The following CEP170 variants were observed in gnomAD, a reference collection of about 807,000 sequenced individuals.
The protein encoded by CEP170 is centrosomal protein 170, also known as centrosomal protein of 170 kDa.
In CEP170, 21 loss-of-function variants were observed where a neutral mutation model predicts 151.9. The ratio of observed to expected loss-of-function variants is 0.14; its 90% confidence interval spans 0.10 to 0.20. The LOEUF is 0.20. CEP170 is among the 10% of genes least tolerant of loss of function. CEP170 has a pLI of 1.00. For synonymous variants in CEP170, 356 were observed against 648.8 expected (o/e 0.55, Z 6.86); for missense variants, 964 against 1,892.9 (o/e 0.51, Z 9.11).
In CEP170 at chr1:243,169,676, G is replaced by T. The variant is rs182591395; in HGVS notation, c.1795C>A (p.Gln599Lys). The change falls in exon 12 of 20, where the codon CAA (glutamine) becomes AAA (lysine). Residue 599 changes from glutamine to lysine, a missense_variant. Coordinates refer to ENST00000366542, the MANE Select transcript of CEP170 (RefSeq NM_014812.3). Reference sequence around the variant, plus strand: ...GAAAATTCCATTATCCTTTCTTCTTGATCATGCCTTGTATGATTGGCAGCC... The same window carrying T: ...GAAAATTCCATTATCCTTTCTTCTTTATCATGCCTTGTATGATTGGCAGCC... Reference protein sequence around the residue: ...SLAANHTRHDQEERIMEFSAP... With the variant: ...SLAANHTRHDKEERIMEFSAP... The T allele has an allele frequency of 0.014, 22,042 of 1,612,368 alleles. 533 individuals carry two copies. In the Admixed American group the frequency reaches 0.14, roughly 10 times the overall value.
At chr1:243,231,333 T>A (rs1157732852) in intron 1 of CEP170, among the ~76,000 whole-genome samples, 1 of 151,900 alleles carries the variant, frequency 6.6e-6, no homozygotes, top group Admixed American at 6.6e-5. Flanking sequence ...TGGGCTGCAA[T>A]GAAAGGACAC....
At chr1:243,192,883 T>TATA (rs2060400213) in intron 7 of CEP170, among the ~76,000 whole-genome samples, 1 of 151,968 alleles carries the variant, frequency 6.6e-6, no homozygotes, top group Non-Finnish European at 1.5e-5. Context: ...CCACAATAAA[T>TATA]ATAATAATAA....
intron 1 of CEP170, among the ~76,000 whole-genome samples, chr1:243,236,844 A>G (rs1204256490): frequency 6.6e-6 from 1 of 152,194 alleles, no homozygotes; most frequent in African/African-American, 2.4e-5. Context: ...CCTGAAAGTC[A>G]AATGCTTTGA....
chr1:243,207,579 G>A (rs1466755424), intron 4 of CEP170, among the ~76,000 whole-genome samples: 2 of 151,648 alleles, frequency 1.3e-5, no homozygotes, highest in African/African-American at 4.8e-5. Flanking sequence ...ATAGCAGAAC[G>A]CATATCCTTT....
intron 1 of CEP170, among the ~76,000 whole-genome samples, chr1:243,249,631 C>T (rs1325252580): frequency 6.6e-6 from 1 of 152,076 alleles, no homozygotes; most frequent in Non-Finnish European, 1.5e-5. Flanking sequence ...AACAGCAGTC[C>T]TCTACCACTG....
chr1:243,248,084 G>C (rs12097743), intron 1 of CEP170, among the ~76,000 whole-genome samples: 47,909 of 152,108 alleles, frequency 0.31, 7,906 homozygotes, highest in South Asian at 0.54. Context: ...CTTTGTTCAG[G>C]GCTTTAGATT....
chr1:243,221,446 A>G, intron 3 of CEP170: 1 of 379,308 alleles, frequency 2.6e-6, no homozygotes. Flanking sequence ...CATATAGTGA[A>G]GTCAAGCTTA....
chr1:243,150,413 G>A (rs1285334852), intron 14 of CEP170, among the ~76,000 whole-genome samples: 2 of 152,202 alleles, frequency 1.3e-5, no homozygotes, highest in Non-Finnish European at 1.5e-5. Context: ...GGCCTCCCAA[G>A]TGCTGGGATT....
chr1:243,140,148 T>C (rs752017449), intron 15 of CEP170, 41 bp from the exon 16 acceptor site: 3 of 1,586,162 alleles, frequency 1.9e-6, no homozygotes, highest in African/African-American at 2.7e-5. Flanking sequence ...ACACAGTAAT[T>C]TGAAAAAGTA....
intron 1 of CEP170, among the ~76,000 whole-genome samples, chr1:243,230,853 A>C (rs2063681760): frequency 6.6e-6 from 1 of 152,206 alleles, no homozygotes; most frequent in Non-Finnish European, 1.5e-5. Context: ...ATGGAAAAAT[A>C]CTTCCAAAAT....
chr1:243,251,129 T>A (rs543140143), intron 1 of CEP170, among the ~76,000 whole-genome samples: 3 of 152,198 alleles, frequency 2.0e-5, no homozygotes, highest in African/African-American at 7.2e-5. Context: ...AGTTATATAG[T>A]AAAAGCAGCT....
chr1:243,243,857 C>T (rs2065101003), intron 1 of CEP170, among the ~76,000 whole-genome samples: 2 of 152,148 alleles, frequency 1.3e-5, no homozygotes, highest in African/African-American at 4.8e-5. Context: ...ACACCACACA[C>T]ACACACATAC....
intron 14 of CEP170, among the ~76,000 whole-genome samples, chr1:243,144,455 G>C (rs1363469000): frequency 6.6e-6 from 1 of 152,140 alleles, no homozygotes; most frequent in Non-Finnish European, 1.5e-5. Context: ...TGATTCTTTT[G>C]AAATGTGTTT....
chr1:243,246,278 C>T (rs1025823056), intron 1 of CEP170, among the ~76,000 whole-genome samples: 43 of 142,454 alleles, frequency 3.0e-4, no homozygotes, highest in African/African-American at 1.1e-3. Flanking sequence ...GCCACCCAGG[C>T]TGGAGTGCAG....
intron 1 of CEP170, among the ~76,000 whole-genome samples, chr1:243,249,981 G>T (rs1471329491): frequency 6.6e-6 from 1 of 152,144 alleles, no homozygotes; most frequent in Non-Finnish European, 1.5e-5. Context: ...CGAGGCAGGG[G>T]AATAGCTTGA....
At chr1:243,159,199 A>C (rs1232295519) in intron 13 of CEP170, among the ~76,000 whole-genome samples, 1 of 152,216 alleles carries the variant, frequency 6.6e-6, no homozygotes, top group African/African-American at 2.4e-5. Context: ...CAGAGAAATA[A>C]AAATGTGATT....
At chr1:243,199,841 T>C (rs947160531) in intron 6 of CEP170, among the ~76,000 whole-genome samples, 3 of 152,176 alleles carry the variant, frequency 2.0e-5, no homozygotes, top group Non-Finnish European at 2.9e-5. Context: ...TATTATATGG[T>C]GATACAGCCA....
chr1:243,240,869 T>C (rs2064768902), intron 1 of CEP170, among the ~76,000 whole-genome samples: 1 of 152,064 alleles, frequency 6.6e-6, no homozygotes. Context: ...ATTTTTGTAT[T>C]TTTAGTAGAG....
intron 8 of CEP170, among the ~76,000 whole-genome samples, chr1:243,189,193 C>T (rs1414788267): frequency 6.6e-6 from 1 of 152,076 alleles, no homozygotes; most frequent in African/African-American, 2.4e-5. Context: ...ACATTAATCC[C>T]TCTATTTGGA....
Sources: gnomAD v4.1 joint callset for allele counts (sites outside exome capture counted in the v4.1 genomes callset) on GRCh38, gnomAD v4.1.1 for gene constraint, MANE v1.5 for transcripts, NCBI Gene and HGNC (gene_info 2026-07-23, HGNC 2026-07-21) for gene names.